Variants in ARHGEF26 observed in about 807,000 individuals in gnomAD.
ARHGEF26 encodes the protein Rho guanine nucleotide exchange factor 26.
In ARHGEF26, 59 loss-of-function variants were observed where a neutral mutation model predicts 89.4. The observed-to-expected ratio is 0.66, with a 90% CI of 0.54 to 0.82. The LOEUF (loss-of-function observed/expected upper bound fraction) is 0.82, where lower values mean the gene tolerates loss of function less well. ARHGEF26 is among the 40% of genes least tolerant of loss of function. The pLI, the probability that ARHGEF26 is intolerant of heterozygous loss-of-function variation, is 0.00. For synonymous variants in ARHGEF26, 500 were observed against 428.4 expected (o/e 1.17, Z -2.06); for missense variants, 1,234 against 1,085.6 (o/e 1.14, Z -1.92).
intron 10 of ARHGEF26, among the ~76,000 whole-genome samples, chr3:154,224,856 T>C (rs1716391394): frequency 6.6e-6 from 1 of 152,240 alleles, no homozygotes; most frequent in African/African-American, 2.4e-5. Context: ...AAAATAAATA[T>C]GAAATCCTTT....
rs139988903 is a variant in ARHGEF26 at position 154,135,101 on chromosome 3, G to C, written c.1269+5382G>C. Among the ~76,000 whole-genome samples the C allele has an allele frequency of 9.2e-3, 1,400 of 152,196 alleles. 23 individuals carry two copies. Among genetic ancestry groups the C allele is most frequent in the African/African-American group, 0.032 (1,334 of 41,526 alleles). On this transcript the variant is annotated intron_variant, in intron 4 of 14. Transcript: ENST00000465093. ...CAGGATGATGCTGGCCTCATAGAAT[G>C]AGAGAGGAGTTCCTCTTCTCCAATT...
chr3:154,256,038 A>G lies in ARHGEF26; in HGVS notation c.*565A>G. On this transcript the variant is annotated 3_prime_UTR_variant, in exon 15 of 15. Transcript: ENST00000465093. ...CTAAACCTCTTCCCAGGAAGGGGAC[A>G]TTGACACTTGAATTTTTGTCACCTT... 2.0e-6 allele frequency: 2 copies of G among 985,812 alleles called. No homozygotes were observed. Among genetic ancestry groups the G allele is most frequent in the Non-Finnish European group, 2.4e-6 (2 of 829,912 alleles). The allele number at this position is 985,812 out of a possible 1,614,324, so 61.1% of individuals were successfully genotyped here. A position where few individuals can be genotyped will look rare whatever the true frequency, so the allele number is the denominator to read the frequency against.
intron 6 of ARHGEF26, among the ~76,000 whole-genome samples, chr3:154,185,034 G>T (rs1302607407): frequency 6.6e-6 from 1 of 151,992 alleles, no homozygotes; most frequent in African/African-American, 2.4e-5. Context: ...GTCATCCTTC[G>T]CACTGATAAT....
intron 6 of ARHGEF26, among the ~76,000 whole-genome samples, chr3:154,179,184 A>G (rs1010554184): frequency 6.6e-6 from 1 of 152,200 alleles, no homozygotes; most frequent in African/African-American, 2.4e-5. Context: ...GCTTCCTCAA[A>G]AAAAAATATG....
chr3:154,207,110 G>T (rs1471366207), intron 9 of ARHGEF26, among the ~76,000 whole-genome samples: 1 of 151,882 alleles, frequency 6.6e-6, no homozygotes, highest in African/African-American at 2.4e-5. Flanking sequence ...CAAAAATCAA[G>T]ATAGATTAAA....
chr3:154,139,152 A>C (rs1190785452), intron 4 of ARHGEF26, among the ~76,000 whole-genome samples: 1 of 152,074 alleles, frequency 6.6e-6, no homozygotes, highest in Non-Finnish European at 1.5e-5. Context: ...ATGTGCACAG[A>C]CATTTGGGGT....
intron 11 of ARHGEF26, among the ~76,000 whole-genome samples, chr3:154,235,975 T>C (rs546329019): frequency 3.2e-4 from 48 of 152,302 alleles, no homozygotes; most frequent in Admixed American, 5.9e-4. Flanking sequence ...GTAATAAATA[T>C]ATGCTCAGAA....
At chr3:154,159,573 T>A (rs1711545414) in intron 6 of ARHGEF26, among the ~76,000 whole-genome samples, 1 of 152,060 alleles carries the variant, frequency 6.6e-6, no homozygotes, top group Non-Finnish European at 1.5e-5. Context: ...TTAATCAAAC[T>A]CTATTAAAAT....
At chr3:154,142,714 C>T (rs528667674) in intron 4 of ARHGEF26, among the ~76,000 whole-genome samples, 2 of 152,266 alleles carry the variant, frequency 1.3e-5, no homozygotes, top group South Asian at 4.1e-4. Context: ...GTGTTCTTTT[C>T]TTCCGCAAGA....
chr3:154,154,210 T>C (rs1720191466), intron 6 of ARHGEF26, among the ~76,000 whole-genome samples: 1 of 152,126 alleles, frequency 6.6e-6, no homozygotes, highest in Admixed American at 6.5e-5. Context: ...ATTTTCTTGC[T>C]ATATGACATT....
chr3:154,130,693 G>A (rs189808244), intron 4 of ARHGEF26, among the ~76,000 whole-genome samples: 7 of 152,272 alleles, frequency 4.6e-5, no homozygotes, highest in African/African-American at 9.6e-5. Context: ...CAGCATTTGC[G>A]AATATCTGAT....
Position 154,191,294 on chromosome 3 carries a change from C to T in ARHGEF26, c.1646C>T (p.Thr549Ile), listed in dbSNP as rs1713939252. 6.2e-7 allele frequency: 1 copy of T among 1,609,708 alleles called. No homozygotes were observed. The highest frequency in any genetic ancestry group is 2.2e-5 in the East Asian group (1 of 44,840). The change falls in exon 8 of 15, where the codon ACC becomes ATC. Residue 549 changes from threonine to isoleucine, a missense_variant. Physicochemically the swap from Thr to Ile is moderately conservative, Grantham distance 89 (BLOSUM62 -1). Transcript: ENST00000465093. ...TTTTCTTTGTTTTCCCTCAGAGCTACCAATCCATCCTTTAAGGAAGTATTG... is the reference window on the plus strand; with the variant it reads ...TTTTCTTTGTTTTCCCTCAGAGCTATCAATCCATCCTTTAAGGAAGTATTG... ...QQRTLQKLLA[T>I]NPSFKEVLSR...
At chr3:154,123,916 A>G (rs1208220480) in intron 2 of ARHGEF26, among the ~76,000 whole-genome samples, 2 of 9,966 alleles carry the variant, frequency 2.0e-4, no homozygotes, top group Non-Finnish European at 3.4e-4. Context: ...TTCAGCAATA[A>G]GGCAGATTCT....
chr3:154,254,490 G>A (rs1718357110), intron 13 of ARHGEF26, among the ~76,000 whole-genome samples: 1 of 151,962 alleles, frequency 6.6e-6, no homozygotes, highest in African/African-American at 2.4e-5. Context: ...GTTATTGAGG[G>A]GAATCATGCA....
chr3:154,250,442 G>A (rs1718072121), intron 12 of ARHGEF26, among the ~76,000 whole-genome samples: 2 of 152,192 alleles, frequency 1.3e-5, no homozygotes. Flanking sequence ...TTTAGTGATA[G>A]CAACAAGGAG....
chr3:154,132,920 A>T (rs1421527342), intron 4 of ARHGEF26, among the ~76,000 whole-genome samples: 4 of 152,148 alleles, frequency 2.6e-5, no homozygotes, highest in African/African-American at 9.7e-5. Flanking sequence ...CTTCTTAAAG[A>T]CAAGGGGTTT....
intron 4 of ARHGEF26, among the ~76,000 whole-genome samples, chr3:154,138,418 T>G (rs770630091): frequency 1.3e-5 from 2 of 152,232 alleles, no homozygotes; most frequent in African/African-American, 2.4e-5. Flanking sequence ...GCGTTGGAAC[T>G]TTATGTAACT....
chr3:154,136,612 A>G (rs1307464314), intron 4 of ARHGEF26, among the ~76,000 whole-genome samples: 10 of 152,258 alleles, frequency 6.6e-5, no homozygotes, highest in Non-Finnish European at 1.5e-4. Context: ...ATTGTGAAAG[A>G]CATACTATTT....
At chr3:154,168,576 TAAAAAAC>T (rs1712201324) in intron 6 of ARHGEF26, among the ~76,000 whole-genome samples, 1 of 151,996 alleles carries the variant, frequency 6.6e-6, no homozygotes, top group African/African-American at 2.4e-5. Flanking sequence ...CTCTGTGTCT[TAAAAAAC>T]AAAAACAAAA....
Sources: allele counts gnomAD v4.1 joint callset (sites outside exome capture counted in the v4.1 genomes callset), GRCh38; gene constraint gnomAD v4.1.1; transcripts MANE v1.5; gene names NCBI Gene and HGNC (gene_info 2026-07-23, HGNC 2026-07-21).